Variants in THOC2 observed in about 807,000 individuals in gnomAD.
THOC2 encodes the protein THO complex 2.
In THOC2, 10 loss-of-function variants were observed where a neutral mutation model predicts 128.4. The ratio of observed to expected loss-of-function variants is 0.08; its 90% CI spans 0.05 to 0.13. The LOEUF (loss-of-function observed/expected upper bound fraction) is 0.13. Among genes scored for constraint, THOC2 ranks in the 10% least tolerant of loss-of-function variants. The pLI is 1.00. For synonymous variants in THOC2, 393 were observed against 396.9 expected (o/e 0.99, Z 0.12); for missense variants, 535 against 1,155.7 (o/e 0.46, Z 7.79).
At chrX:123,706,071 G>C (rs758053919) in intron 3 of THOC2, among the ~76,000 whole-genome samples, 1 of 110,540 alleles carries the variant, frequency 9.0e-6, no homozygotes, top group Non-Finnish European at 1.9e-5. Flanking sequence ...AAAAATAGTT[G>C]GTCTGAATCT....
intron 8 of THOC2, among the ~76,000 whole-genome samples, chrX:123,675,801 T>C (rs2049466782): frequency 8.9e-6 from 1 of 112,369 alleles, no homozygotes; most frequent in South Asian, 3.7e-4. Context: ...TAAACTTTTT[T>C]TGTAAAGTTT....
At chrX:123,633,087 A>G in intron 20 of THOC2, 47 bp from the exon 21 acceptor site, 1 of 958,610 alleles carries the variant, frequency 1.0e-6, no homozygotes, top group Non-Finnish European at 1.4e-6. Flanking sequence ...TACATAACCC[A>G]TGCTAATTTG....
chrX:123,700,538 A>AG (rs2050654624), intron 4 of THOC2, among the ~76,000 whole-genome samples: 1 of 1,614 alleles, frequency 6.2e-4, no homozygotes, highest in Non-Finnish European at 1.1e-3. Flanking sequence ...GGAGGTGGTG[A>AG]GGGGGTGGGG....
intron 18 of THOC2, 35 bp downstream of exon 18, chrX:123,638,008 A>T: frequency 9.9e-7 from 1 of 1,014,307 alleles, no homozygotes; most frequent in Non-Finnish European, 1.4e-6. Context: ...TACCACAGAT[A>T]GTAATTTCAT....
At chrX:123,656,946 G>T (rs180919143) in intron 12 of THOC2, among the ~76,000 whole-genome samples, 2 of 110,618 alleles carry the variant, frequency 1.8e-5, no homozygotes, top group African/African-American at 6.6e-5. Flanking sequence ...GGGGGCGGAG[G>T]TTGCAGTGAG....
At chrX:123,718,352 T>C (rs1237804018) in intron 1 of THOC2, among the ~76,000 whole-genome samples, 1 of 111,413 alleles carries the variant, frequency 9.0e-6, no homozygotes, top group Non-Finnish European at 1.9e-5. Flanking sequence ...AAAGAAAAAA[T>C]AGGGGAAGAG....
chrX:123,699,373 G>A (rs2050597797), intron 4 of THOC2, among the ~76,000 whole-genome samples: 1 of 111,899 alleles, frequency 8.9e-6, no homozygotes, highest in Non-Finnish European at 1.9e-5. Flanking sequence ...TAAGCACACA[G>A]TTAGCTCATG....
At position 123,663,538 on chromosome X, in the gene THOC2, T is replaced by A. The variant is rs866806911; in HGVS notation, c.1386+2104A>T. 2.4e-3 allele frequency among the ~76,000 whole-genome samples: 244 copies of A among 100,896 alleles called. 1 individual carries two copies. The highest frequency in any genetic ancestry group is 5.2e-3 in the Admixed American group (48 of 9,268). The allele number at this position is 100,896 out of a possible 115,157, so 87.6% of individuals were successfully genotyped here. ...AATTATACCTCAAAGCTGATTTTTT[T>A]AAAAAAAAAAAGCATAAATGGTTAT... On this transcript the variant is annotated intron_variant, in intron 12 of 38. Transcript: ENST00000245838.
At chrX:123,722,459 A>T (rs927025152) in intron 1 of THOC2, among the ~76,000 whole-genome samples, 6 of 111,214 alleles carry the variant, frequency 5.4e-5, no homozygotes, top group African/African-American at 2.0e-4. Context: ...CAGCAAACTA[A>T]CACAGGAACA....
chrX:123,642,761 A>G (rs1375161081), intron 15 of THOC2, among the ~76,000 whole-genome samples: 1 of 109,304 alleles, frequency 9.1e-6, no homozygotes, highest in African/African-American at 3.3e-5. Flanking sequence ...TAAGAGGGGG[A>G]TAATATATAT....
At chrX:123,619,048 T>C (rs1036488083) in intron 33 of THOC2, among the ~76,000 whole-genome samples, 1 of 112,145 alleles carries the variant, frequency 8.9e-6, no homozygotes, top group Admixed American at 9.5e-5. Flanking sequence ...CAGATTTGTT[T>C]TGAAAAATTA....
At chrX:123,629,242 CACACAT>C (rs1388234933) in intron 22 of THOC2, among the ~76,000 whole-genome samples, 2 of 106,094 alleles carry the variant, frequency 1.9e-5, no homozygotes, top group African/African-American at 6.9e-5. Flanking sequence ...CACACACACA[CACACAT>C]ATATATGAAG....
chrX:123,626,042 T>G lies in THOC2; in HGVS notation c.2927A>C (p.Lys976Thr). The part of the protein sequence containing the change: ...AKSTKNETIT[K>T]FLQLCIFPRC... ...AGGAAATATACACAGCTGTAGAAAT[T>G]TTGTGATGGTCTCATTTTTGGTAGA... is the stretch of plus-strand genomic sequence containing the variant. Residue 976 changes from lysine (K) to threonine (T), a missense_variant, in exon 25 of 39, where the codon AAA becomes ACA. Physicochemically the swap from Lys to Thr is moderately conservative, Grantham distance 78. This residue lies in a region of THOC2 where 90 missense variants were observed against 298.6 expected (regional missense o/e 0.30). Transcript: ENST00000245838. 1 of 1,196,425 alleles carries G rather than the reference T, an allele frequency of 8.4e-7. No individual in the cohort carries two copies. Among genetic ancestry groups the G allele is most frequent in the South Asian group, 1.8e-5 (1 of 55,087 alleles).
chrX:123,640,458 A>G (rs2047868962), intron 16 of THOC2, 80 bp downstream of exon 16: 2 of 681,888 alleles, frequency 2.9e-6, no homozygotes. Flanking sequence ...ATTTTCTAAC[A>G]TCATTCTATT....
At chrX:123,656,284 T>C (rs750055981) in intron 12 of THOC2, among the ~76,000 whole-genome samples, 3 of 89,754 alleles carry the variant, frequency 3.3e-5, no homozygotes, top group African/African-American at 9.0e-5. Flanking sequence ...TGAGCAGAGA[T>C]CATGCCACTG....
In THOC2 at chrX:123,719,515, C is replaced by G. The variant is rs2051592505; in HGVS notation, c.72-6607G>C. ...GTTGAGACCAGCCTGGGCAACCTAG[C>G]AAGACTCCATCTCTACAATCAACAT... On this transcript the variant is annotated intron_variant, in intron 1 of 38. Coordinates refer to ENST00000245838, the MANE Select transcript of THOC2 (RefSeq NM_001081550.2). 4.6e-5 allele frequency among the ~76,000 whole-genome samples: 5 copies of G among 109,545 alleles called. No homozygotes were observed. In the South Asian group the frequency reaches 1.9e-3, roughly 43 times the overall value.
intron 8 of THOC2, among the ~76,000 whole-genome samples, chrX:123,679,967 A>G (rs991919810): frequency 1.8e-5 from 2 of 112,420 alleles, no homozygotes; most frequent in Non-Finnish European, 1.9e-5. Context: ...GGAAGGCTGC[A>G]GGGACCCCTG....
chrX:123,630,446 CTTCTAAAAA>C (rs1344714705), intron 22 of THOC2, among the ~76,000 whole-genome samples: 19 of 108,805 alleles, frequency 1.7e-4, no homozygotes, highest in Middle Eastern at 4.7e-3. Flanking sequence ...AATCTCATCT[CTTCTAAAAA>C]TACAAAAATT....
chrX:123,705,089 G>A (rs938282467), intron 3 of THOC2, among the ~76,000 whole-genome samples: 14 of 111,164 alleles, frequency 1.3e-4, no homozygotes, highest in African/African-American at 3.9e-4. Context: ...AGAAAAATCT[G>A]GCAGCTGCAA....
Sources: gnomAD v4.1 joint callset for allele counts (sites outside exome capture counted in the v4.1 genomes callset) on GRCh38, gnomAD v4.1.1 for gene constraint, gnomAD v4.1.1 regional missense constraint, MANE v1.5 for transcripts, NCBI Gene and HGNC (gene_info 2026-07-23, HGNC 2026-07-21) for gene names.